Variants in UBASH3B observed in about 807,000 individuals in gnomAD.
The protein encoded by UBASH3B is ubiquitin-associated and SH3 domain-containing protein B.
In UBASH3B, 37 loss-of-function variants were observed where a neutral mutation model predicts 83.4. The ratio of observed to expected loss-of-function variants is 0.44; its 90% CI spans 0.34 to 0.58. UBASH3B has a LOEUF of 0.58. UBASH3B is among the 20% of genes least tolerant of loss of function. The pLI is 0.01. For missense variants in UBASH3B, 657 were observed against 827.2 expected, an observed-to-expected ratio of 0.79 and a Z score of 2.52; for synonymous variants, 304 against 318.3, an observed-to-expected ratio of 0.96 and a Z score of 0.48.
chr11:122,786,983 A>AC lies in UBASH3B; in HGVS notation c.772-2112dup, dbSNP rs1156989757. 4.0e-5 allele frequency among the ~76,000 whole-genome samples: 6 copies of AC among 148,740 alleles called. No homozygotes were observed. In the East Asian group the frequency reaches 1.2e-3, roughly 30 times the overall value. ...TAACCTAGAGATAGAATGAATACCCACCCCCGCTCCCCCCCCACCGCCCCA... is the reference window on the plus strand; with the variant it reads ...TAACCTAGAGATAGAATGAATACCCACCCCCCGCTCCCCCCCCACCGCCCCA... On this transcript the variant is annotated intron_variant, in intron 5 of 13. Coordinates refer to ENST00000284273, the MANE Select transcript of UBASH3B (RefSeq NM_032873.5).
chr11:122,659,389 G>A (rs1863405326), intron 1 of UBASH3B, among the ~76,000 whole-genome samples: 1 of 152,084 alleles, frequency 6.6e-6, no homozygotes, highest in Non-Finnish European at 1.5e-5. Flanking sequence ...TAAATTCTCT[G>A]CCTGGAAGGG....
chr11:122,665,097 G>A lies in UBASH3B; in HGVS notation c.161+8887G>A, dbSNP rs569609676. ...ATTTTTTTGTATTTTTAGTAGAGAC[G>A]GGGTTTCACCGTGTTAGCCAGGATG... On this transcript the variant is annotated intron_variant, in intron 1 of 13. Transcript: ENST00000284273. Among the ~76,000 whole-genome samples, 16 of 152,178 alleles carry A rather than the reference G, an allele frequency of 1.1e-4. No individual in the cohort carries two copies. In the East Asian group the frequency reaches 1.5e-3, roughly 15 times the overall value.
At chr11:122,721,047 C>T (rs1328564618) in intron 1 of UBASH3B, among the ~76,000 whole-genome samples, 3 of 151,796 alleles carry the variant, frequency 2.0e-5, no homozygotes, top group Non-Finnish European at 4.4e-5. Flanking sequence ...AGATGGAGAC[C>T]ATCCCGGCTC....
chr11:122,706,832 C>G (rs1437939413), intron 1 of UBASH3B, among the ~76,000 whole-genome samples: 2 of 152,146 alleles, frequency 1.3e-5, no homozygotes, highest in African/African-American at 4.8e-5. Flanking sequence ...AAGATTGCAC[C>G]ATTCTAGGTA....
chr11:122,805,176 G>A lies in UBASH3B; in HGVS notation c.1596-1234G>A, dbSNP rs377592521. On this transcript the variant is annotated intron_variant, in intron 11 of 13. Transcript: ENST00000284273. ...CGGAAGGCAAGGAGAAGCAAGTCAC[G>A]TCTTAACATGGATTGCAGCAGGCAA... 3.3e-5 allele frequency among the ~76,000 whole-genome samples: 5 copies of A among 152,240 alleles called. No individual in the cohort carries two copies. In the South Asian group the frequency reaches 6.2e-4, roughly 19 times the overall value.
In UBASH3B at chr11:122,806,690, G is replaced by A. The variant is rs1183510319; in HGVS notation, c.1702+174G>A. Reference sequence around the variant, plus strand: ...GTAATATTCTCTGAGTTCCTAAAATGGTAGATATTCCAGGGGTTTATACCA... The same window carrying A: ...GTAATATTCTCTGAGTTCCTAAAATAGTAGATATTCCAGGGGTTTATACCA... On this transcript the variant is annotated intron_variant, in intron 12 of 13. Coordinates refer to ENST00000284273, the MANE Select transcript of UBASH3B (RefSeq NM_032873.5). The surrounding 1 kb of genome is among the most constrained non-coding windows in gnomAD (Gnocchi z 4.0). 6.6e-6 allele frequency among the ~76,000 whole-genome samples: 1 copy of A among 152,166 alleles called. No homozygotes were observed. The highest frequency in any genetic ancestry group is 2.4e-5 in the African/African-American group (1 of 41,432).
At chr11:122,686,255 A>G (rs990134912) in intron 1 of UBASH3B, among the ~76,000 whole-genome samples, 1 of 152,216 alleles carries the variant, frequency 6.6e-6, no homozygotes, top group Non-Finnish European at 1.5e-5. Context: ...TGAGAGAAGC[A>G]GGTTTTTTCT....
rs774762951 is a variant in UBASH3B, at chr11:122,779,637, T to C, written c.543T>C (p.Ser181=). ...TCGGCCTCTTTGTAAAGGAAGACAGTGCGGAGGTCCTCAAGAAGTTTGCTG... is the reference window on the plus strand; with the variant it reads ...TCGGCCTCTTTGTAAAGGAAGACAGCGCGGAGGTCCTCAAGAAGTTTGCTG... ...NFIGLFVKED[S]AEVLKKFAAD... Residue 181 remains serine, a synonymous_variant, in exon 4 of 14, where the codon AGT becomes AGC. Transcript: ENST00000284273. 3 of 1,614,052 alleles carry C rather than the reference T, an allele frequency of 1.9e-6. No homozygotes were observed. Among genetic ancestry groups the C allele is most frequent in the African/African-American group, 2.7e-5 (2 of 74,928 alleles).
chr11:122,747,569 G>A (rs1203649288), intron 1 of UBASH3B, among the ~76,000 whole-genome samples: 1 of 152,236 alleles, frequency 6.6e-6, no homozygotes, highest in African/African-American at 2.4e-5. Flanking sequence ...TGGGACTGCT[G>A]TGAGAAAGAA....
rs1160228361 is a variant in UBASH3B at position 122,655,955 on chromosome 11, C to T, written c.-95C>T. On this transcript the variant is annotated 5_prime_UTR_variant, in exon 1 of 14. Transcript: ENST00000284273. ...CGCCGCCTCCTGCCTGGCTCTGGGT[C>T]CCCGAGCCCCCTCCCCTGGCCCAGC... 1.7e-6 allele frequency: 2 copies of T among 1,201,548 alleles called. No homozygotes were observed. The highest frequency in any genetic ancestry group is 2.2e-6 in the Non-Finnish European group (2 of 919,448). The allele number at this position is 1,201,548 out of a possible 1,614,324, so 74.4% of individuals were successfully genotyped here.
Position 122,796,981 on chromosome 11 carries a change from C to A in UBASH3B, c.1305C>A (p.Tyr435Ter), listed in dbSNP as rs141469408. The A allele has an allele frequency of 6.2e-7, 1 of 1,613,920 alleles. No individual in the cohort carries two copies. Among genetic ancestry groups the A allele is most frequent in the Non-Finnish European group, 8.5e-7 (1 of 1,179,894 alleles). ...LPQRSGGFRD[Y>*]EKDAPITVFG... ...AGCGGAGTGGTGGTTTCCGAGATTA[C>A]GAGAAAGATGCTCCCATCACTGTGT... Residue 435 changes from tyrosine to a stop codon, truncating the protein, a stop_gained, in exon 9 of 14, where the codon TAC becomes TAA. Coordinates refer to ENST00000284273, the MANE Select transcript of UBASH3B (RefSeq NM_032873.5). LOFTEE classifies it high-confidence loss of function.
At chr11:122,698,848 T>TTTTA (rs777454425) in intron 1 of UBASH3B, among the ~76,000 whole-genome samples, 4 of 152,028 alleles carry the variant, frequency 2.6e-5, no homozygotes, top group Admixed American at 1.3e-4. Flanking sequence ...TATACTGGGA[T>TTTTA]TTTATTTATT....
rs1194508237 is a variant in UBASH3B, at chr11:122,759,507, C to T, written c.162-16712C>T. 1.3e-5 allele frequency among the ~76,000 whole-genome samples: 2 copies of T among 152,210 alleles called. No homozygotes were observed. The highest frequency in any genetic ancestry group is 6.5e-5 in the Admixed American group (1 of 15,286). ...TATAATGAAATAGTGATACAACCAA[C>T]TCACCATAATGTAGAATGAGTGGGA... is the stretch of plus-strand genomic sequence containing the variant. On this transcript the variant is annotated intron_variant, in intron 1 of 13. Transcript: ENST00000284273. This position sits in a 1 kb window ranked among gnomAD's most constrained non-coding sequence, Gnocchi z 4.1.
intron 4 of UBASH3B, among the ~76,000 whole-genome samples, chr11:122,781,905 T>C (rs1242477660): frequency 6.6e-6 from 1 of 152,206 alleles, no homozygotes; most frequent in Non-Finnish European, 1.5e-5. Context: ...AGAAAGGCAA[T>C]GCAGTATAAA....
intron 1 of UBASH3B, among the ~76,000 whole-genome samples, chr11:122,756,451 A>G (rs974251488): frequency 1.3e-5 from 2 of 152,224 alleles, no homozygotes; most frequent in Non-Finnish European, 2.9e-5. Flanking sequence ...AGTCCTTCTT[A>G]CACTGCCTTT....
chr11:122,672,092 T>C (rs1450805287), intron 1 of UBASH3B, among the ~76,000 whole-genome samples: 2 of 151,900 alleles, frequency 1.3e-5, no homozygotes, highest in Admixed American at 1.3e-4. Flanking sequence ...CTCCTGTTAG[T>C]CCAACAAAAG....
intron 1 of UBASH3B, among the ~76,000 whole-genome samples, chr11:122,756,152 A>T (rs1197781664): frequency 4.6e-5 from 7 of 152,250 alleles, no homozygotes. Context: ...ATAAGAATGA[A>T]CTATGAGGAA....
chr11:122,812,078 A>G lies in UBASH3B; in HGVS notation c.*2192A>G, dbSNP rs1488773806. The G allele has an allele frequency of 6.6e-6, 1 of 152,268 alleles. No homozygotes were observed. The highest frequency in any genetic ancestry group is 2.4e-5 in the African/African-American group (1 of 41,470). 9.4% of individuals were successfully genotyped at this position (152,268 alleles called of 1,614,324 possible). On this transcript the variant is annotated 3_prime_UTR_variant, in exon 14 of 14. Transcript: ENST00000284273. Reference sequence around the variant, plus strand: ...CTAGGTTATCTTAGTTGTATGACGAACTGATAAATCTGTCTGACTGGGCTA... The same window carrying G: ...CTAGGTTATCTTAGTTGTATGACGAGCTGATAAATCTGTCTGACTGGGCTA...
chr11:122,771,301 C>T (rs545046603), intron 1 of UBASH3B, among the ~76,000 whole-genome samples: 1 of 151,502 alleles, frequency 6.6e-6, no homozygotes, highest in African/African-American at 2.4e-5. Flanking sequence ...GGCACGACCT[C>T]GGCTCACTGC....
Sources: gnomAD v4.1 joint callset for allele counts (sites outside exome capture counted in the v4.1 genomes callset) on GRCh38, gnomAD v4.1.1 for gene constraint, Gnocchi (gnomAD v3.1) non-coding constraint, MANE v1.5 for transcripts, NCBI Gene and HGNC (gene_info 2026-07-23, HGNC 2026-07-21) for gene names.